Variants in CFAP61 observed in about 807,000 individuals in gnomAD.
The protein encoded by CFAP61 is cilia- and flagella-associated protein 61.
CFAP61 carries 107 observed loss-of-function variants against 135.6 expected under a neutral mutation model. The ratio of observed to expected loss-of-function variants is 0.79; its 90% CI spans 0.67 to 0.93. CFAP61 has a LOEUF of 0.93. Among genes scored for constraint, CFAP61 ranks in the 40% least tolerant of loss-of-function variants. The pLI, the probability that CFAP61 is intolerant of heterozygous loss-of-function variation, is 0.00. For synonymous variants in CFAP61, 575 were observed against 578.5 expected (o/e 0.99, Z 0.09); for missense variants, 1,507 against 1,556.2 (o/e 0.97, Z 0.53).
intron 13 of CFAP61, among the ~76,000 whole-genome samples, chr20:20,175,165 A>C (rs2054518165): frequency 6.6e-6 from 1 of 152,196 alleles, no homozygotes; most frequent in Admixed American, 6.5e-5. Context: ...TTGTCCCTTA[A>C]AGAAGGCCAT....
At chr20:20,162,400 A>G (rs1239634041) in intron 10 of CFAP61, among the ~76,000 whole-genome samples, 1 of 152,234 alleles carries the variant, frequency 6.6e-6, no homozygotes, top group Non-Finnish European at 1.5e-5. Flanking sequence ...TTAAGTCCCA[A>G]AAAACTGACA....
At chr20:20,192,234 G>A (rs185897662) in intron 15 of CFAP61, among the ~76,000 whole-genome samples, 1 of 152,046 alleles carries the variant, frequency 6.6e-6, no homozygotes, top group African/African-American at 2.4e-5. Context: ...GAACTTTTTG[G>A]GTTCTTCAAA....
chr20:20,141,415 A>G (rs927853660), intron 8 of CFAP61, among the ~76,000 whole-genome samples: 55 of 152,170 alleles, frequency 3.6e-4, no homozygotes, highest in African/African-American at 1.3e-3. Context: ...AGGGTGCAGG[A>G]CATATCGGGA....
intron 8 of CFAP61, among the ~76,000 whole-genome samples, chr20:20,124,712 T>C (rs2049940339): frequency 6.6e-6 from 1 of 151,762 alleles, no homozygotes; most frequent in Non-Finnish European, 1.5e-5. Flanking sequence ...TTTTTGGTTA[T>C]GTCCTTTCCT....
intron 25 of CFAP61, among the ~76,000 whole-genome samples, chr20:20,305,298 G>A (rs1170004511): frequency 6.6e-6 from 1 of 152,212 alleles, no homozygotes; most frequent in Non-Finnish European, 1.5e-5. Flanking sequence ...TCTGTCTTTG[G>A]AACTGCAAAG....
At chr20:20,181,006 AG>A (rs920098556) in intron 13 of CFAP61, among the ~76,000 whole-genome samples, 14 of 151,950 alleles carry the variant, frequency 9.2e-5, no homozygotes, top group African/African-American at 3.1e-4. Flanking sequence ...GGCAAATCAG[AG>A]GGTGGAGGGT....
At chr20:20,196,249 T>A (rs1005331027) in intron 15 of CFAP61, among the ~76,000 whole-genome samples, 2 of 152,176 alleles carry the variant, frequency 1.3e-5, no homozygotes, top group Non-Finnish European at 2.9e-5. Flanking sequence ...CGCCTGGCAG[T>A]GTCACGGAGC....
chr20:20,168,940 G>A (rs890902269), intron 12 of CFAP61, among the ~76,000 whole-genome samples: 2 of 152,160 alleles, frequency 1.3e-5, no homozygotes, highest in African/African-American at 4.8e-5. Flanking sequence ...ACTGGTGTAA[G>A]GTCACTTAGT....
rs578067789 is a variant in CFAP61, at chr20:20,253,465, GTGA to G, written c.2328+1703_2328+1705del. The G allele has an allele frequency of 1.7e-3, 580 of 346,206 alleles. 2 individuals are homozygous for G. Among genetic ancestry groups the G allele is most frequent in the Non-Finnish European group, 2.8e-3 (486 of 175,884 alleles). The allele number at this position is 346,206 out of a possible 1,614,324, so 21.4% of individuals were successfully genotyped here. A position where few individuals can be genotyped will look rare whatever the true frequency, so the allele number is the denominator to read the frequency against. On this transcript the variant is annotated intron_variant, in intron 20 of 26. Coordinates refer to ENST00000245957, the MANE Select transcript of CFAP61 (RefSeq NM_015585.4). The stretch of plus-strand genomic sequence containing the variant: ...ATGGGTTAACCTGACCCTGAGCTCT[GTGA>G]GTCTGGCCACACATCTTGGGTACTT...
intron 6 of CFAP61, among the ~76,000 whole-genome samples, chr20:20,081,678 TTC>T (rs1478079605): frequency 6.6e-6 from 1 of 152,182 alleles, no homozygotes; most frequent in Admixed American, 6.5e-5. Context: ...TCTTCCATTT[TTC>T]TCTTGAAAAC....
chr20:20,070,463 C>A (rs1011159401), intron 2 of CFAP61, among the ~76,000 whole-genome samples: 2 of 152,110 alleles, frequency 1.3e-5, no homozygotes, highest in African/African-American at 4.8e-5. Context: ...TGGGCACTCC[C>A]AGTCCTGGGC....
chr20:20,056,149 A>C, intron 1 of CFAP61: 1 of 638,302 alleles, frequency 1.6e-6, no homozygotes. Flanking sequence ...CATTTCCTAC[A>C]CTTAACCACA....
chr20:20,290,579 T>C (rs1327912), intron 24 of CFAP61, among the ~76,000 whole-genome samples, 188 bp downstream of exon 24: 69,619 of 152,042 alleles, frequency 0.46, 16,138 homozygotes, highest in South Asian at 0.53. Context: ...CTTGTGTGGC[T>C]CCTCCCACAC....
At chr20:20,136,587 T>G (rs1471631158) in intron 8 of CFAP61, among the ~76,000 whole-genome samples, 1 of 152,244 alleles carries the variant, frequency 6.6e-6, no homozygotes, top group African/African-American at 2.4e-5. Context: ...GCATTATTTT[T>G]AAAATTATTT....
intron 9 of CFAP61, among the ~76,000 whole-genome samples, chr20:20,152,086 C>T (rs765896919): frequency 2.6e-5 from 4 of 151,964 alleles, no homozygotes; most frequent in Non-Finnish European, 4.4e-5. Context: ...AAAATAATTG[C>T]CAGCCAAGAA....
chr20:20,351,958 C>A (rs553864296), intron 26 of CFAP61, among the ~76,000 whole-genome samples: 1 of 151,006 alleles, frequency 6.6e-6, no homozygotes, highest in Non-Finnish European at 1.5e-5. Flanking sequence ...AAAAAAAAAA[C>A]GGAAGGCATA....
At chr20:20,353,208 G>A (rs557473794) in intron 26 of CFAP61, among the ~76,000 whole-genome samples, 3 of 152,320 alleles carry the variant, frequency 2.0e-5, no homozygotes, top group African/African-American at 4.8e-5. Context: ...GCCCATGTCT[G>A]TGTGCATTGT....
At chr20:20,211,403 A>G (rs1021864785) in intron 17 of CFAP61, among the ~76,000 whole-genome samples, 2 of 152,198 alleles carry the variant, frequency 1.3e-5, no homozygotes, top group Non-Finnish European at 2.9e-5. Context: ...TTTAGTCTGA[A>G]TGTTGCCTCA....
chr20:20,355,210 GAGGGGAGGTGATCACACTA>G (rs1336135180), intron 26 of CFAP61, among the ~76,000 whole-genome samples: 9 of 146,482 alleles, frequency 6.1e-5, no homozygotes, highest in African/African-American at 1.0e-4. Context: ...GTCACACTGT[GAGGGGAGGTGATCACACTA>G]AGGGGAGGTG....
Sources: allele counts gnomAD v4.1 joint callset (sites outside exome capture counted in the v4.1 genomes callset), GRCh38; gene constraint gnomAD v4.1.1; transcripts MANE v1.5; gene names NCBI Gene and HGNC (gene_info 2026-07-23, HGNC 2026-07-21).